R3HDM2: variants seen among roughly 807,000 people sequenced by gnomAD.
The protein encoded by R3HDM2 is R3H domain-containing protein 2.
A neutral mutation model predicts 124.5 loss-of-function variants in R3HDM2; 38 were observed. That is an observed-to-expected ratio of 0.31 (90% CI 0.24 to 0.40). The LOEUF (loss-of-function observed/expected upper bound fraction) is 0.40. Among genes scored for constraint, R3HDM2 ranks in the 10% least tolerant of loss-of-function variants. The probability of loss-of-function intolerance (pLI) is 1.00; values close to 1 mark genes in which losing one functional copy is unlikely to be tolerated. For synonymous variants in R3HDM2, 391 were observed against 448.0 expected (o/e 0.87, Z 1.61); for missense variants, 869 against 1,236.9 (o/e 0.70, Z 4.46).
chr12:57,306,739 G>A (rs1356981200), intron 3 of R3HDM2, among the ~76,000 whole-genome samples: 1 of 152,112 alleles, frequency 6.6e-6, no homozygotes, highest in East Asian at 1.9e-4. Flanking sequence ...TCTTGGCTGG[G>A]CGGGGCGGCT....
At chr12:57,306,923 G>A (rs1310081092) in intron 3 of R3HDM2, among the ~76,000 whole-genome samples, 5 of 152,122 alleles carry the variant, frequency 3.3e-5, no homozygotes, top group African/African-American at 1.2e-4. Context: ...GCTGAGGCAG[G>A]AGAATCACTT....
chr12:57,395,116 A>C lies in R3HDM2; in HGVS notation c.-36+633T>G, dbSNP rs375714386. 5.2e-4 allele frequency among the ~76,000 whole-genome samples: 79 copies of C among 151,996 alleles called. No individual in the cohort carries two copies. In the East Asian group the frequency reaches 0.012, roughly 24 times the overall value. On this transcript the variant is annotated intron_variant, in intron 2 of 23. Coordinates refer to ENST00000402412, the MANE Select transcript of R3HDM2 (RefSeq NM_001394031.1). The stretch of plus-strand genomic sequence containing the variant: ...TCCCAGCATCTAGGGAGGCTGAGGC[A>C]GGAGAATCATTTGAACTCAGGAGGC...
At chr12:57,333,751 AAAGG>A (rs1307125547) in intron 2 of R3HDM2, among the ~76,000 whole-genome samples, 2 of 151,056 alleles carry the variant, frequency 1.3e-5, no homozygotes, top group East Asian at 2.0e-4. Context: ...AGGAAGGAAG[AAAGG>A]AAGGGCACTG....
Position 57,426,393 on chromosome 12 carries a change from G to T in R3HDM2, c.-106+4327C>A, listed in dbSNP as rs558938533. Among the ~76,000 whole-genome samples the T allele has an allele frequency of 7.2e-5, 11 of 152,274 alleles. No homozygotes were observed. In the South Asian group the frequency reaches 2.3e-3, roughly 32 times the overall value. On this transcript the variant is annotated intron_variant, in intron 1 of 23. Transcript: ENST00000402412. ...AAAGGATCAAGTGTTCTCTAGAACT[G>T]AACATTCTACCATTGTTAGAGAAAC...
intron 2 of R3HDM2, among the ~76,000 whole-genome samples, chr12:57,362,400 T>C (rs965061024): frequency 1.1e-4 from 17 of 152,344 alleles, no homozygotes; most frequent in African/African-American, 3.8e-4. Context: ...TTCAAGAATA[T>C]GGTATACAAT....
intron 3 of R3HDM2, among the ~76,000 whole-genome samples, chr12:57,306,595 G>C (rs2052634806): frequency 6.6e-6 from 1 of 152,078 alleles, no homozygotes; most frequent in Non-Finnish European, 1.5e-5. Flanking sequence ...ATTTTTAGTA[G>C]AGATGGGATT....
chr12:57,285,832 A>C (rs1053667226), intron 12 of R3HDM2, among the ~76,000 whole-genome samples: 2 of 152,190 alleles, frequency 1.3e-5, no homozygotes, highest in Non-Finnish European at 2.9e-5. Flanking sequence ...TTCTCTTGCT[A>C]CTAGAGGTAG....
intron 2 of R3HDM2, among the ~76,000 whole-genome samples, chr12:57,376,361 C>G (rs1039140893): frequency 3.3e-5 from 5 of 152,260 alleles, no homozygotes; most frequent in African/African-American, 1.2e-4. Flanking sequence ...TTCTGTTATA[C>G]ACGTTCCATT....
At chr12:57,366,071 T>C (rs895944966) in intron 2 of R3HDM2, among the ~76,000 whole-genome samples, 7 of 152,232 alleles carry the variant, frequency 4.6e-5, no homozygotes, top group Non-Finnish European at 1.0e-4. Flanking sequence ...CCTTCCCACT[T>C]TTCTGAGACT....
chr12:57,347,333 G>GTGCA lies in R3HDM2; in HGVS notation c.-35-36874_-35-36871dup, dbSNP rs564885035. ...TGTGTGTATATATGTGTGTATATGT[G>GTGCA]TGCATACATACATAGAGATCTAGAG... On this transcript the variant is annotated intron_variant, in intron 2 of 23. Transcript: ENST00000402412. 5.8e-4 allele frequency among the ~76,000 whole-genome samples: 88 copies of GTGCA among 151,990 alleles called. 1 individual carries two copies. The South Asian group carries it at 0.018, about 31-fold the overall frequency.
At chr12:57,283,298 C>CT (rs79938826) in intron 13 of R3HDM2, among the ~76,000 whole-genome samples, 204 of 147,672 alleles carry the variant, frequency 1.4e-3, no homozygotes, top group African/African-American at 4.1e-3. Flanking sequence ...ACAATCAATT[C>CT]TTTTTTTTTT....
At chr12:57,309,688 C>T (rs899636258) in intron 3 of R3HDM2, among the ~76,000 whole-genome samples, 10 of 152,162 alleles carry the variant, frequency 6.6e-5, no homozygotes, top group South Asian at 4.1e-4. Context: ...ATTAAATATG[C>T]GTTTGTGTAC....
intron 7 of R3HDM2, 27 bp downstream of exon 7, chr12:57,298,063 T>C: frequency 6.6e-7 from 1 of 1,511,682 alleles, no homozygotes. Context: ...CTAACCCCTT[T>C]TCCTCTTATA....
intron 2 of R3HDM2, among the ~76,000 whole-genome samples, chr12:57,328,298 G>C (rs2057609034): frequency 6.6e-6 from 1 of 152,118 alleles, no homozygotes; most frequent in Non-Finnish European, 1.5e-5. Context: ...CTGAGCTTAA[G>C]TGATCTGCCT....
chr12:57,300,950 A>T (rs111549561), intron 4 of R3HDM2, among the ~76,000 whole-genome samples: 1 of 152,098 alleles, frequency 6.6e-6, no homozygotes, highest in African/African-American at 2.4e-5. Flanking sequence ...AAAATTTTTT[A>T]AAAATTAGCT....
chr12:57,296,067 A>G lies in R3HDM2; in HGVS notation c.701+344T>C, dbSNP rs2049794910. On this transcript the variant is annotated intron_variant, in intron 9 of 23. Transcript: ENST00000402412. This position sits in a 1 kb window ranked among gnomAD's most constrained non-coding sequence, Gnocchi z 4.5. Reference sequence around the variant, plus strand: ...GTATTTTTAGTAGAGACGGGGTTTCACCATCTTGGCCAAGCGGGTCTTGAA... The same window carrying G: ...GTATTTTTAGTAGAGACGGGGTTTCGCCATCTTGGCCAAGCGGGTCTTGAA... Among the ~76,000 whole-genome samples the G allele has an allele frequency of 1.3e-5, 2 of 151,682 alleles. No homozygotes were observed. Among genetic ancestry groups the G allele is most frequent in the East Asian group, 1.9e-4 (1 of 5,162 alleles).
intron 4 of R3HDM2, 134 bp from the exon 5 acceptor site, chr12:57,300,315 A>C: frequency 2.8e-6 from 2 of 712,120 alleles, no homozygotes; most frequent in East Asian, 5.8e-5. Context: ...TTTCCATTAA[A>C]CAGGGGTTTT....
intron 1 of R3HDM2, among the ~76,000 whole-genome samples, chr12:57,426,606 A>G (rs1051828604): frequency 2.0e-5 from 3 of 152,226 alleles, no homozygotes; most frequent in African/African-American, 7.2e-5. Context: ...TGGAAGGGAC[A>G]TGAACAAACC....
chr12:57,369,430 C>T (rs1367261983), intron 2 of R3HDM2, among the ~76,000 whole-genome samples: 4 of 152,162 alleles, frequency 2.6e-5, no homozygotes, highest in Admixed American at 2.0e-4. Context: ...CAGACTTTAG[C>T]TCAAGTAAGC....
Sources: allele counts gnomAD v4.1 joint callset (sites outside exome capture counted in the v4.1 genomes callset), GRCh38; gene constraint gnomAD v4.1.1; non-coding constraint Gnocchi (gnomAD v3.1); transcripts MANE v1.5; gene names NCBI Gene and HGNC (gene_info 2026-07-23, HGNC 2026-07-21).